KCNH5: variants seen among roughly 807,000 people sequenced by gnomAD.
The protein encoded by KCNH5 is potassium voltage-gated channel subfamily H member 5, also known as voltage-gated delayed rectifier potassium channel KCNH5.
In KCNH5, 46 loss-of-function variants were observed where a neutral mutation model predicts 96.1. The observed-to-expected ratio is 0.48, with a 90% CI of 0.38 to 0.61. The LOEUF (loss-of-function observed/expected upper bound fraction) is 0.61. Among genes scored for constraint, KCNH5 ranks in the 20% least tolerant of loss-of-function variants. The pLI, the probability that KCNH5 is intolerant of heterozygous loss-of-function variation, is 0.00. For missense variants in KCNH5, 907 were observed against 1,225.8 expected (o/e 0.74, Z 3.88); for synonymous variants, 439 against 449.8 (o/e 0.98, Z 0.30).
chr14:62,916,685 G>C (rs758319110), intron 7 of KCNH5, among the ~76,000 whole-genome samples: 4 of 152,084 alleles, frequency 2.6e-5, no homozygotes, highest in Non-Finnish European at 2.9e-5. Flanking sequence ...TGAGAACACA[G>C]AGGGGCTCTG....
intron 7 of KCNH5, among the ~76,000 whole-genome samples, chr14:62,926,021 T>C (rs1889469882): frequency 6.6e-6 from 1 of 152,060 alleles, no homozygotes; most frequent in Non-Finnish European, 1.5e-5. Context: ...AGGCCATATA[T>C]TGATAAATAT....
chr14:62,889,365 C>T (rs777621418), intron 7 of KCNH5, among the ~76,000 whole-genome samples: 68 of 152,120 alleles, frequency 4.5e-4, no homozygotes, highest in Non-Finnish European at 9.0e-4. Context: ...AGCAGAGCAT[C>T]ACATGGGGGC....
At chr14:62,850,804 T>C (rs527277705) in intron 7 of KCNH5, among the ~76,000 whole-genome samples, 41 of 152,284 alleles carry the variant, frequency 2.7e-4, no homozygotes, top group Admixed American at 2.7e-3. Context: ...GGAATCTTTT[T>C]TGAAAAGGGG....
At chr14:62,732,859 ACG>A (rs1595598358) in intron 10 of KCNH5, among the ~76,000 whole-genome samples, 1 of 152,048 alleles carries the variant, frequency 6.6e-6, no homozygotes, top group East Asian at 1.9e-4. Flanking sequence ...CCCTCTTGAT[ACG>A]GTCTTGATAC....
intron 4 of KCNH5, among the ~76,000 whole-genome samples, chr14:63,001,086 A>C (rs1393125725): frequency 6.6e-6 from 1 of 152,122 alleles, no homozygotes; most frequent in Non-Finnish European, 1.5e-5. Flanking sequence ...AAGACAAACA[A>C]AAAAAATGCT....
At chr14:62,792,673 G>C (rs1475743) in intron 9 of KCNH5, among the ~76,000 whole-genome samples, 86,951 of 151,308 alleles carry the variant, frequency 0.57, 25,270 homozygotes, top group South Asian at 0.8. Flanking sequence ...CTAAGTCTTA[G>C]AACTTTTGCA....
intron 7 of KCNH5, among the ~76,000 whole-genome samples, chr14:62,894,010 G>C (rs1459639615): frequency 6.6e-6 from 1 of 152,194 alleles, no homozygotes; most frequent in East Asian, 1.9e-4. Context: ...CCCGCAAAAA[G>C]ATTATGCCTC....
At chr14:62,971,927 T>C (rs887671253) in intron 6 of KCNH5, among the ~76,000 whole-genome samples, 2 of 152,084 alleles carry the variant, frequency 1.3e-5, no homozygotes, top group African/African-American at 4.8e-5. Flanking sequence ...GGAGAAAATC[T>C]AGATGACCTT....
At chr14:62,983,191 A>G (rs532563450) in intron 5 of KCNH5, among the ~76,000 whole-genome samples, 10 of 152,162 alleles carry the variant, frequency 6.6e-5, no homozygotes, top group South Asian at 2.1e-4. Context: ...AGACTCCTTC[A>G]TGGTGAAACC....
chr14:62,960,451 T>G (rs1463207397), intron 6 of KCNH5, among the ~76,000 whole-genome samples: 1 of 152,120 alleles, frequency 6.6e-6, no homozygotes. Flanking sequence ...AATATATAAA[T>G]CTCTCATAAT....
chr14:62,840,989 T>C (rs1887574020), intron 8 of KCNH5, among the ~76,000 whole-genome samples: 1 of 152,026 alleles, frequency 6.6e-6, no homozygotes, highest in African/African-American at 2.4e-5. Context: ...GCACTACTAG[T>C]AAAGGAACTA....
intron 7 of KCNH5, among the ~76,000 whole-genome samples, chr14:62,865,531 C>G (rs1471746889): frequency 6.6e-6 from 1 of 152,080 alleles, no homozygotes; most frequent in East Asian, 1.9e-4. Flanking sequence ...GGAAGAATCA[C>G]AGGACAGAGT....
chr14:62,976,826 C>T (rs1405503412), intron 6 of KCNH5, among the ~76,000 whole-genome samples: 1 of 152,114 alleles, frequency 6.6e-6, no homozygotes, highest in Non-Finnish European at 1.5e-5. Flanking sequence ...GCTTAACTAT[C>T]AATCAGGTGA....
At chr14:62,928,960 A>C (rs1167648035) in intron 7 of KCNH5, among the ~76,000 whole-genome samples, 2 of 151,984 alleles carry the variant, frequency 1.3e-5, no homozygotes, top group Non-Finnish European at 2.9e-5. Flanking sequence ...CAATTCCAGA[A>C]TGTATGTGTC....
chr14:62,862,233 A>G (rs1888050617), intron 7 of KCNH5, among the ~76,000 whole-genome samples: 1 of 152,208 alleles, frequency 6.6e-6, no homozygotes, highest in African/African-American at 2.4e-5. Context: ...CTGAAATTTT[A>G]TTAAAATACC....
intron 8 of KCNH5, among the ~76,000 whole-genome samples, chr14:62,821,777 T>C (rs1339579652): frequency 6.6e-6 from 1 of 152,114 alleles, no homozygotes; most frequent in Non-Finnish European, 1.5e-5. Flanking sequence ...ATTTCATATG[T>C]AAAAGAGACC....
chr14:62,755,307 T>C (rs1027560410), intron 10 of KCNH5, among the ~76,000 whole-genome samples: 1 of 152,032 alleles, frequency 6.6e-6, no homozygotes, highest in East Asian at 1.9e-4. Flanking sequence ...TGAGAACAAC[T>C]ACATACCAAT....
chr14:62,746,657 G>A (rs947710068), intron 10 of KCNH5, among the ~76,000 whole-genome samples: 13 of 152,150 alleles, frequency 8.5e-5, no homozygotes, highest in Admixed American at 6.5e-5. Context: ...CTCTCTTCCT[G>A]TGTTTCTTTT....
intron 10 of KCNH5, among the ~76,000 whole-genome samples, chr14:62,715,820 C>T (rs1595591253): frequency 6.7e-6 from 1 of 149,812 alleles, no homozygotes; most frequent in East Asian, 2.0e-4. Flanking sequence ...GAGAGGAAGG[C>T]AGAAAGGGAG....
Sources: allele counts gnomAD v4.1 joint callset (sites outside exome capture counted in the v4.1 genomes callset), GRCh38; gene constraint gnomAD v4.1.1; transcripts MANE v1.5; gene names NCBI Gene and HGNC (gene_info 2026-07-23, HGNC 2026-07-21).